CGN: variants seen among roughly 807,000 people sequenced by gnomAD.
CGN encodes the protein cingulin.
Under a neutral mutation model 157.1 loss-of-function variants are expected in CGN, and 121 were observed. The ratio of observed to expected loss-of-function variants is 0.77; its 90% CI spans 0.66 to 0.90. The LOEUF is 0.90. Ranked by LOEUF, CGN falls within the 40% of genes least tolerant of loss-of-function variation. CGN has a pLI of 0.00. For synonymous variants in CGN, 535 were observed against 607.5 expected (o/e 0.88, Z 1.76); for missense variants, 1,424 against 1,520.9 (o/e 0.94, Z 1.06).
intron 3 of CGN, 32 bp from the exon 4 acceptor site, chr1:151,520,382 C>T: frequency 6.2e-7 from 1 of 1,601,564 alleles, no homozygotes; most frequent in Non-Finnish European, 8.6e-7. Flanking sequence ...CTTTCCTCCC[C>T]TAACCCTTGC....
Position 151,524,593 on chromosome 1 carries a change from A to T in CGN, c.1402-81A>T. On this transcript the variant is annotated intron_variant, in intron 7 of 20. Coordinates refer to ENST00000271636, the MANE Select transcript of CGN (RefSeq NM_020770.3). This position sits in a 1 kb window ranked among gnomAD's most constrained non-coding sequence, Gnocchi z 4.4. ...ACCTGGTACTGTGCCTAATACGATA[A>T]ATATTTTTTGACTCAGTGAATTGAT... 2.3e-6 allele frequency: 3 copies of T among 1,320,444 alleles called. No individual in the cohort carries two copies. The South Asian group carries it at 4.0e-5, about 17-fold the overall frequency. 81.8% of individuals were successfully genotyped at this position (1,320,444 alleles called of 1,614,324 possible).
Position 151,534,134 on chromosome 1 carries a change from G to A in CGN, c.2902G>A (p.Glu968Lys), listed in dbSNP as rs765011107. ...CAGGGCCCGGCAGCTGAAGGGTCTC[G>A]AGGTGAGGGCACTGAGGTGTGACCT... The part of the protein sequence containing the change: ...DDRARQLKGL[E>K]EKVSRLETEL... The change falls in exon 15 of 21, where the codon GAG (glutamate) becomes AAG (lysine). Residue 968 changes from glutamate to lysine, a missense_variant and splice_region_variant. Coordinates refer to ENST00000271636, the MANE Select transcript of CGN (RefSeq NM_020770.3). The A allele has an allele frequency of 2.3e-5, 37 of 1,580,270 alleles. No homozygotes were observed. Among genetic ancestry groups the A allele is most frequent in the Non-Finnish European group, 2.8e-5 (33 of 1,162,874 alleles).
chr1:151,530,051 G>C lies in CGN; in HGVS notation c.2249G>C (p.Arg750Pro), dbSNP rs144180892. 1.6e-4 allele frequency: 265 copies of C among 1,614,144 alleles called. No individual in the cohort carries two copies. The highest frequency in any genetic ancestry group is 6.7e-4 in the Admixed American group (40 of 60,016). The stretch of plus-strand genomic sequence containing the variant: ...TTGGAGCAGCAGCTGAAGGAGACTC[G>C]AGGTCTGGTGGATGGTGGGGAAGCG... ...LGLEQQLKET[R>P]GLVDGGEAVE... The change falls in exon 12 of 21, where the codon CGA (arginine) becomes CCA (proline). Residue 750 changes from arginine to proline, a missense_variant. Transcript: ENST00000271636.
chr1:151,532,433 C>G lies in CGN; in HGVS notation c.2603C>G (p.Ala868Gly). Residue 868 changes from alanine to glycine, a missense_variant, in exon 14 of 21, where the codon GCC becomes GGC. Physicochemically the swap from Ala to Gly is moderately conservative, Grantham distance 60 (BLOSUM62 0). Around this residue, in one of 3 missense-constraint regions of CGN, gnomAD observed 1,187 missense variants for 1,217.6 expected, o/e 0.97. Coordinates refer to ENST00000271636, the MANE Select transcript of CGN (RefSeq NM_020770.3). ...AAGATCGGGGAGGACTCTAAGCAAG[C>G]CCTGCAGCAGCTCCAGGCCCAGCTG... ...LEKIGEDSKQ[A>G]LQQLQAQLED... The G allele has an allele frequency of 6.3e-7, 1 of 1,592,298 alleles. No homozygotes were observed. The highest frequency in any genetic ancestry group is 8.5e-7 in the Non-Finnish European group (1 of 1,172,144).
At chr1:151,518,393 C>A (rs1277091855) in intron 1 of CGN, 113 bp from the exon 2 acceptor site, 16 of 891,434 alleles carry the variant, frequency 1.8e-5, no homozygotes, top group Non-Finnish European at 1.7e-6. Context: ...TTCTGTTAGT[C>A]TGAGAATCAG....
Position 151,532,557 on chromosome 1 carries a change from C to A in CGN, c.2727C>A (p.Ser909Arg). 2 of 1,545,310 alleles carry A rather than the reference C, an allele frequency of 1.3e-6. No homozygotes were observed. Among genetic ancestry groups the A allele is most frequent in the Non-Finnish European group, 8.7e-7 (1 of 1,151,320 alleles). ...SEAEKTSGGL[S>R]RLQDEIQRLR... is the part of the protein sequence containing the mutation. ...CTGAGAAGACCTCTGGAGGACTGAGCCGACTTCAGGATGAGGTAGAAGTCT... is the reference window on the plus strand; with the variant it reads ...CTGAGAAGACCTCTGGAGGACTGAGACGACTTCAGGATGAGGTAGAAGTCT... Residue 909 changes from serine (S) to arginine (R), a missense_variant, in exon 14 of 21, where the codon AGC (serine) becomes AGA (arginine). Transcript: ENST00000271636.
intron 14 of CGN, among the ~76,000 whole-genome samples, chr1:151,533,154 A>G (rs1191600269): frequency 6.6e-6 from 1 of 152,226 alleles, no homozygotes; most frequent in Non-Finnish European, 1.5e-5. Flanking sequence ...AAAACTCCTC[A>G]GGTGATTCCA....
Position 151,524,462 on chromosome 1 carries a change from G to C in CGN, c.1401+104G>C. The C allele has an allele frequency of 6.6e-7, 1 of 1,515,688 alleles. No individual in the cohort carries two copies. The highest frequency in any genetic ancestry group is 9.0e-7 in the Non-Finnish European group (1 of 1,112,486). 93.9% of individuals were successfully genotyped at this position (1,515,688 alleles called of 1,614,324 possible). A position where few individuals can be genotyped will look rare whatever the true frequency, so the allele number is the denominator to read the frequency against. ...CCCAAAGTATGAGGAGTGGGTGGCT[G>C]ATTACAGGTACTCAGTGTGCTTTCA... On this transcript the variant is annotated intron_variant, in intron 7 of 20. Coordinates refer to ENST00000271636, the MANE Select transcript of CGN (RefSeq NM_020770.3). This position sits in a 1 kb window ranked among gnomAD's most constrained non-coding sequence, Gnocchi z 4.4.
In CGN at chr1:151,530,500, G is replaced by A. The variant is rs1016449943; in HGVS notation, c.2325G>A (p.Gln775=). The A allele has an allele frequency of 6.3e-7, 1 of 1,585,138 alleles. No homozygotes were observed. Residue 775 remains glutamine (Q), a synonymous_variant, in exon 13 of 21, where the codon CAG becomes CAA. Transcript: ENST00000271636. ...TCCCTACCTCCCAGGCAGAGAAACA[G>A]CAGCTGGAGGAGGCCCTGAATGCGT... The part of the protein sequence containing the change: ...DKLQRLEAEK[Q]QLEEALNASQ...
chr1:151,520,559 T>A, intron 4 of CGN, 37 bp from the exon 5 acceptor site: 1 of 1,612,458 alleles, frequency 6.2e-7, no homozygotes, highest in South Asian at 1.1e-5. Context: ...AGACTTGGAC[T>A]CACTCCCTTC....
At chr1:151,510,712 C>G (rs1664261841), upstream of CGN, among the ~76,000 whole-genome samples, 1 of 152,178 alleles carries the variant, frequency 6.6e-6, no homozygotes, top group Admixed American at 6.5e-5. Flanking sequence ...AGGCACAGAA[C>G]AAGAGATCCT....
Position 151,524,818 on chromosome 1 carries a change from G to C in CGN, c.1546G>C (p.Glu516Gln). The C allele has an allele frequency of 6.2e-7, 1 of 1,612,592 alleles. No homozygotes were observed. Among genetic ancestry groups the C allele is most frequent in the Non-Finnish European group, 8.5e-7 (1 of 1,179,988 alleles). ...EEVASRDQEV[E>Q]HVRQQYQRDT... ...GGTAGCCTCCCGTGACCAGGAGGTG[G>C]AACATGTCCGGCAGCAGTACCAGCG... The change falls in exon 8 of 21, where the codon GAA becomes CAA. Residue 516 changes from glutamate (E) to glutamine (Q), a missense_variant. Physicochemically the swap from Glu to Gln is conservative, Grantham distance 29 (BLOSUM62 2). Coordinates refer to ENST00000271636, the MANE Select transcript of CGN (RefSeq NM_020770.3). This position sits in a 1 kb window ranked among gnomAD's most constrained non-coding sequence, Gnocchi z 4.4.
At chr1:151,533,159 A>T (rs1221082695) in intron 14 of CGN, among the ~76,000 whole-genome samples, 1 of 152,184 alleles carries the variant, frequency 6.6e-6, no homozygotes, top group Non-Finnish European at 1.5e-5. Context: ...TCCTCAGGTG[A>T]TTCCAAGTTG....
chr1:151,511,832 C>T lies in CGN; in HGVS notation c.-15+317C>T, dbSNP rs568750659. On this transcript the variant is annotated intron_variant, in intron 1 of 20. Coordinates refer to ENST00000271636, the MANE Select transcript of CGN (RefSeq NM_020770.3). This position sits in a 1 kb window ranked among gnomAD's most constrained non-coding sequence, Gnocchi z 4.8. ...GACGCCAGCCCTAGGGGCAGAATTT[C>T]TCTTGGAGACAGCGGTGGCGCGGGG... is the stretch of plus-strand genomic sequence containing the variant. 1.4e-4 allele frequency among the ~76,000 whole-genome samples: 22 copies of T among 152,314 alleles called. No homozygotes were observed. In the South Asian group the frequency reaches 4.3e-3, roughly 30 times the overall value.
chr1:151,523,642 G>A, intron 6 of CGN, 81 bp downstream of exon 6: 1 of 1,369,070 alleles, frequency 7.3e-7, no homozygotes, highest in Non-Finnish European at 9.7e-7. Context: ...TGCCCCTAGG[G>A]TTGAAGGAGA....
chr1:151,524,074 G>C lies in CGN; in HGVS notation c.1269-152G>C. ...GGGTAAGGCAGATCAGGAGGGCCAG[G>C]TTGTAGCGGGGCAGGTTGCAAAAAT... On this transcript the variant is annotated intron_variant, in intron 6 of 20. Transcript: ENST00000271636. The surrounding 1 kb of genome is among the most constrained non-coding windows in gnomAD (Gnocchi z 4.4). 1.5e-6 allele frequency: 1 copy of C among 667,852 alleles called. No homozygotes were observed. Among genetic ancestry groups the C allele is most frequent in the Non-Finnish European group, 2.5e-6 (1 of 395,520 alleles). The allele number at this position is 667,852 out of a possible 1,614,324, so 41.4% of individuals were successfully genotyped here.
At position 151,518,583 on chromosome 1, in the gene CGN, T is replaced by C. The variant is rs773533878; in HGVS notation, c.64T>C (p.Phe22Leu). The C allele has an allele frequency of 1.4e-5, 22 of 1,613,958 alleles. No homozygotes were observed. The highest frequency in any genetic ancestry group is 1.9e-5 in the Non-Finnish European group (22 of 1,179,990). ...GPVDHGVQIR[F>L]ITEPVSGAEM... ...CGTAGACCATGGAGTCCAGATTCGC[T>C]TCATCACAGAGCCAGTGAGTGGTGC... Residue 22 changes from phenylalanine (F) to leucine (L), a missense_variant, in exon 2 of 21, where the codon TTC becomes CTC. Transcript: ENST00000271636.
chr1:151,511,491 C>T lies in CGN; in HGVS notation c.-39C>T. On this transcript the variant is annotated 5_prime_UTR_variant, in exon 1 of 21. Coordinates refer to ENST00000271636, the MANE Select transcript of CGN (RefSeq NM_020770.3). The surrounding 1 kb of genome is among the most constrained non-coding windows in gnomAD (Gnocchi z 4.8). ...GCCCGAGCCCGAGCCCGAACGCAAG[C>T]CTGGGAGCGCGGAGCCCGGCTAGGG... is the stretch of plus-strand genomic sequence containing the variant. 5.5e-6 allele frequency: 1 copy of T among 181,438 alleles called. No homozygotes were observed. The highest frequency in any genetic ancestry group is 1.2e-5 in the Non-Finnish European group (1 of 86,832). The allele number at this position is 181,438 out of a possible 1,614,324, so 11.2% of individuals were successfully genotyped here.
At chr1:151,536,177 C>T (rs1049191955) in intron 18 of CGN, 60 bp from the exon 19 acceptor site, 1 of 1,095,282 alleles carries the variant, frequency 9.1e-7, no homozygotes, top group Non-Finnish European at 1.4e-6. Context: ...CAGTAGGGGG[C>T]CAAGTTAGGA....
Sources: allele counts gnomAD v4.1 joint callset (sites outside exome capture counted in the v4.1 genomes callset), GRCh38; gene constraint gnomAD v4.1.1; regional missense constraint gnomAD v4.1.1; non-coding constraint Gnocchi (gnomAD v3.1); transcripts MANE v1.5; gene names NCBI Gene and HGNC (gene_info 2026-07-23, HGNC 2026-07-21).